Variants in HCN1 observed in about 807,000 individuals in gnomAD.
HCN1 encodes hyperpolarization activated cyclic nucleotide gated potassium channel 1.
Under a neutral mutation model 78.9 loss-of-function variants are expected in HCN1, and 13 were observed. The observed-to-expected ratio is 0.16, with a 90% CI of 0.11 to 0.26. The LOEUF is 0.26. Ranked by LOEUF, HCN1 falls within the 10% of genes least tolerant of loss-of-function variation. HCN1 has a pLI of 1.00. For synonymous variants in HCN1, 552 were observed against 455.5 expected, an observed-to-expected ratio of 1.21 and a Z score of -2.70; for missense variants, 810 against 1,154.3, an observed-to-expected ratio of 0.70 and a Z score of 4.32.
At chr5:45,312,781 T>A (rs913092259) in intron 5 of HCN1, among the ~76,000 whole-genome samples, 1 of 152,144 alleles carries the variant, frequency 6.6e-6, no homozygotes, top group Non-Finnish European at 1.5e-5. Context: ...AGCACAGCAG[T>A]CTGAGATAGA....
chr5:45,267,015 G>A, intron 7 of HCN1, 74 bp downstream of exon 7: 1 of 1,277,488 alleles, frequency 7.8e-7, no homozygotes. Context: ...CACTGCATTT[G>A]GGACTTATAA....
At chr5:45,371,929 AT>A (rs1433201716) in intron 4 of HCN1, among the ~76,000 whole-genome samples, 1 of 103,408 alleles carries the variant, frequency 9.7e-6, no homozygotes, top group Non-Finnish European at 1.8e-5. Context: ...AATATACATT[AT>A]ATTATATATA....
At chr5:45,553,811 T>A (rs1277216052) in intron 2 of HCN1, among the ~76,000 whole-genome samples, 4 of 151,928 alleles carry the variant, frequency 2.6e-5, no homozygotes, top group Non-Finnish European at 4.4e-5. Context: ...TCATGCTGTT[T>A]TTTATTGATT....
At chr5:45,666,484 T>C (rs1746051318) in intron 1 of HCN1, among the ~76,000 whole-genome samples, 1 of 152,172 alleles carries the variant, frequency 6.6e-6, no homozygotes, top group South Asian at 2.1e-4. Context: ...AATATGTACA[T>C]AATAAACCCA....
At chr5:45,620,106 T>C (rs1328467107) in intron 2 of HCN1, among the ~76,000 whole-genome samples, 1 of 152,016 alleles carries the variant, frequency 6.6e-6, no homozygotes, top group Non-Finnish European at 1.5e-5. Context: ...TAAGAAAACA[T>C]TGTAAAAGAA....
intron 2 of HCN1, among the ~76,000 whole-genome samples, chr5:45,468,587 TA>T (rs1417457428): frequency 6.6e-5 from 10 of 152,220 alleles, no homozygotes; most frequent in African/African-American, 2.4e-4. Flanking sequence ...TATGCATACA[TA>T]TTTTTTGCAT....
At chr5:45,541,786 G>C (rs946229326) in intron 2 of HCN1, among the ~76,000 whole-genome samples, 3 of 151,966 alleles carry the variant, frequency 2.0e-5, no homozygotes, top group African/African-American at 7.3e-5. Context: ...AAGATAATGG[G>C]TAAAAGAAAA....
At chr5:45,376,236 C>CTATATATTCTATATGGAATATAGAA (rs1747659082) in intron 4 of HCN1, among the ~76,000 whole-genome samples, 1 of 27,958 alleles carries the variant, frequency 3.6e-5, no homozygotes, top group Non-Finnish European at 7.3e-5. Flanking sequence ...AATATATATT[C>CTATATATTCTATATGGAATATAGAA]TATATATTCT....
At chr5:45,425,482 G>C (rs1407243461) in intron 3 of HCN1, among the ~76,000 whole-genome samples, 1 of 152,190 alleles carries the variant, frequency 6.6e-6, no homozygotes, top group Non-Finnish European at 1.5e-5. Flanking sequence ...AACTGGGTAA[G>C]TTAGTGATTT....
At chr5:45,492,114 C>T (rs1471403453) in intron 2 of HCN1, among the ~76,000 whole-genome samples, 2 of 152,002 alleles carry the variant, frequency 1.3e-5, no homozygotes, top group African/African-American at 2.4e-5. Flanking sequence ...CATCATATGT[C>T]ATGAGTGTTA....
At position 45,299,107 on chromosome 5, in the gene HCN1, G is replaced by A. The variant is rs902587018; in HGVS notation, c.1618+4492C>T. ...GAAGGAAATTCCAAGAAACTTTAAT[G>A]ATTAAAAGTAGCCAAAGAAGACATT... On this transcript the variant is annotated intron_variant, in intron 6 of 7. Transcript: ENST00000303230. Among the ~76,000 whole-genome samples, 3 of 151,972 alleles carry A rather than the reference G, an allele frequency of 2.0e-5. No individual in the cohort carries two copies. In the East Asian group the frequency reaches 5.8e-4, roughly 29 times the overall value.
chr5:45,276,340 A>G (rs1398018972), intron 6 of HCN1, among the ~76,000 whole-genome samples: 1 of 152,074 alleles, frequency 6.6e-6, no homozygotes, highest in Non-Finnish European at 1.5e-5. Context: ...TCACACTTTA[A>G]TATGTATGGG....
intron 2 of HCN1, among the ~76,000 whole-genome samples, chr5:45,550,983 T>C (rs1743356094): frequency 6.6e-6 from 1 of 152,016 alleles, no homozygotes; most frequent in Non-Finnish European, 1.5e-5. Flanking sequence ...CCGATCATAC[T>C]ATTTTTGAAA....
intron 2 of HCN1, among the ~76,000 whole-genome samples, chr5:45,611,213 C>A (rs2111978444): frequency 6.7e-6 from 1 of 150,212 alleles, no homozygotes; most frequent in East Asian, 2.0e-4. Flanking sequence ...ACCACACCTG[C>A]CTAACTTTTT....
chr5:45,545,210 C>G (rs1178153640), intron 2 of HCN1, among the ~76,000 whole-genome samples: 1 of 152,198 alleles, frequency 6.6e-6, no homozygotes, highest in Non-Finnish European at 1.5e-5. Context: ...TGATGATGAG[C>G]ATTTTTTCAT....
chr5:45,312,235 T>C (rs1270146800), intron 5 of HCN1, among the ~76,000 whole-genome samples: 1 of 152,102 alleles, frequency 6.6e-6, no homozygotes, highest in Non-Finnish European at 1.5e-5. Flanking sequence ...TGCTAAAGGG[T>C]AGTGCTAAGA....
At chr5:45,360,027 G>C (rs1335396118) in intron 4 of HCN1, among the ~76,000 whole-genome samples, 3 of 149,638 alleles carry the variant, frequency 2.0e-5, no homozygotes, top group Non-Finnish European at 4.4e-5. Flanking sequence ...TAACGTACTG[G>C]GTGCCATGAA....
intron 2 of HCN1, among the ~76,000 whole-genome samples, chr5:45,524,354 G>T (rs1209322987): frequency 1.3e-5 from 2 of 151,958 alleles, no homozygotes; most frequent in Non-Finnish European, 2.9e-5. Flanking sequence ...GCTCTTTTTT[G>T]GTTCCATATG....
chr5:45,374,262 AAC>A lies in HCN1; in HGVS notation c.1231-21018_1231-21017del, dbSNP rs1309456055. Among the ~76,000 whole-genome samples, 135 of 115,402 alleles carry A rather than the reference AAC, an allele frequency of 1.2e-3. 1 individual carries two copies. Among genetic ancestry groups the A allele is most frequent in the Admixed American group, 2.0e-3 (19 of 9,626 alleles). 75.7% of individuals were successfully genotyped at this position (115,402 alleles called of 152,430 possible). A position where few individuals can be genotyped will look rare whatever the true frequency, so the allele number is the denominator to read the frequency against. Reference sequence around the variant, plus strand: ...TATATATTATGTACATTATATACATAACATATATATTATATACATTATATACA... The same window carrying A: ...TATATATTATGTACATTATATACATAATATATATTATATACATTATATACA... On this transcript the variant is annotated intron_variant, in intron 4 of 7. Coordinates refer to ENST00000303230, the MANE Select transcript of HCN1 (RefSeq NM_021072.4).
Sources: gnomAD v4.1 joint callset for allele counts (sites outside exome capture counted in the v4.1 genomes callset) on GRCh38, gnomAD v4.1.1 for gene constraint, MANE v1.5 for transcripts, NCBI Gene and HGNC (gene_info 2026-07-23, HGNC 2026-07-21) for gene names.